AUTS2: variants seen among roughly 807,000 people sequenced by gnomAD.
AUTS2 encodes the protein autism susceptibility gene 2 protein.
A neutral mutation model predicts 112.4 loss-of-function variants in AUTS2; 17 were observed. The ratio of observed to expected loss-of-function variants is 0.15; its 90% CI spans 0.10 to 0.23. AUTS2 has a LOEUF of 0.23. Ranked by LOEUF, AUTS2 falls within the 10% of genes least tolerant of loss-of-function variation. The pLI, the probability that AUTS2 is intolerant of heterozygous loss-of-function variation, is 1.00. For synonymous variants in AUTS2, 751 were observed against 702.7 expected (o/e 1.07, Z -1.09); for missense variants, 1,510 against 1,701.6 (o/e 0.89, Z 1.98).
At chr7:70,581,618 A>T (rs550113825) in intron 5 of AUTS2, among the ~76,000 whole-genome samples, 1 of 152,264 alleles carries the variant, frequency 6.6e-6, no homozygotes, top group South Asian at 2.1e-4. Flanking sequence ...TTGGAAATGT[A>T]TGCTGTTTGT....
chr7:70,497,346 CACAG>C (rs1320410427), intron 5 of AUTS2, among the ~76,000 whole-genome samples: 1 of 152,098 alleles, frequency 6.6e-6, no homozygotes, highest in Non-Finnish European at 1.5e-5. Context: ...TACACAGTCG[CACAG>C]ACACACAATC....
chr7:70,179,325 T>A (rs1809174951), intron 4 of AUTS2, among the ~76,000 whole-genome samples: 1 of 152,214 alleles, frequency 6.6e-6, no homozygotes. Flanking sequence ...CCCTGAAGCA[T>A]GAGTTTTGGT....
intron 1 of AUTS2, among the ~76,000 whole-genome samples, chr7:69,650,815 C>A (rs1379197643): frequency 6.6e-6 from 1 of 152,046 alleles, no homozygotes; most frequent in Non-Finnish European, 1.5e-5. Context: ...TTGCCTTTGT[C>A]CCTTGGGTCT....
intron 2 of AUTS2, among the ~76,000 whole-genome samples, chr7:69,928,221 TG>T (rs1796097259): frequency 6.6e-6 from 1 of 152,152 alleles, no homozygotes; most frequent in African/African-American, 2.4e-5. Flanking sequence ...GTGTGCTGAT[TG>T]GTCCATGGGC....
chr7:70,627,504 C>A (rs894948102), intron 5 of AUTS2, among the ~76,000 whole-genome samples: 4 of 152,192 alleles, frequency 2.6e-5, no homozygotes, highest in Admixed American at 6.5e-5. Context: ...TTTTAATGTG[C>A]AAACATAGTT....
At chr7:70,411,527 G>A (rs1475252399) in intron 4 of AUTS2, among the ~76,000 whole-genome samples, 1 of 151,994 alleles carries the variant, frequency 6.6e-6, no homozygotes, top group Non-Finnish European at 1.5e-5. Flanking sequence ...ACTTTATCAA[G>A]TACTGTGATA....
rs193075842 is a variant in AUTS2, at chr7:70,471,166, T to C, written c.690+35385T>C. 1.3e-3 allele frequency among the ~76,000 whole-genome samples: 193 copies of C among 152,288 alleles called. 2 individuals are homozygous for C. In the Middle Eastern group the frequency reaches 0.02, roughly 16 times the overall value. On this transcript the variant is annotated intron_variant, in intron 5 of 18. Transcript: ENST00000342771. ...TTGAAGAAAGAGGTTCCAATTCAAA[T>C]GGTATTTGAGTAAGTCCCTTGTCGG...
chr7:70,452,966 G>A (rs1459874565), intron 5 of AUTS2, among the ~76,000 whole-genome samples: 2 of 152,092 alleles, frequency 1.3e-5, no homozygotes, highest in African/African-American at 2.4e-5. Context: ...GAGATTTTAA[G>A]TATCTTCTCC....
At chr7:70,537,829 C>T (rs756484905) in intron 5 of AUTS2, among the ~76,000 whole-genome samples, 26 of 152,206 alleles carry the variant, frequency 1.7e-4, no homozygotes, top group Admixed American at 4.6e-4. Context: ...GTAAGAAGGA[C>T]GTAAAAATTT....
intron 6 of AUTS2, among the ~76,000 whole-genome samples, chr7:70,726,378 C>CT (rs1787035595): frequency 6.6e-6 from 1 of 151,982 alleles, no homozygotes; most frequent in Non-Finnish European, 1.5e-5. Flanking sequence ...CTCATTTCCA[C>CT]CACATATTTG....
chr7:70,255,607 C>A (rs1008774689), intron 4 of AUTS2, among the ~76,000 whole-genome samples: 17 of 152,264 alleles, frequency 1.1e-4, no homozygotes, highest in African/African-American at 4.1e-4. Flanking sequence ...AAGAACTTTT[C>A]TTTCCAGAGA....
At chr7:70,470,564 C>T (rs753564154) in intron 5 of AUTS2, among the ~76,000 whole-genome samples, 10 of 152,258 alleles carry the variant, frequency 6.6e-5, no homozygotes, top group Admixed American at 1.3e-4. Flanking sequence ...ACTGGGCCCA[C>T]GCAGCATCTG....
At chr7:69,697,041 G>A (rs775349730) in intron 1 of AUTS2, among the ~76,000 whole-genome samples, 1 of 152,170 alleles carries the variant, frequency 6.6e-6, no homozygotes, top group Non-Finnish European at 1.5e-5. Context: ...AGAAACTGTT[G>A]GACAATGATT....
At chr7:70,025,144 A>G (rs561330800) in intron 2 of AUTS2, among the ~76,000 whole-genome samples, 3 of 152,300 alleles carry the variant, frequency 2.0e-5, no homozygotes, top group South Asian at 4.1e-4. Flanking sequence ...GTAATTGGAT[A>G]CCTATTATGT....
intron 4 of AUTS2, among the ~76,000 whole-genome samples, chr7:70,224,259 G>C (rs567326424): frequency 3.0e-4 from 45 of 152,138 alleles, no homozygotes; most frequent in African/African-American, 9.9e-4. Context: ...AGGCTGCAGT[G>C]AACTGAGATA....
intron 1 of AUTS2, among the ~76,000 whole-genome samples, chr7:69,854,278 C>G (rs1024848396): frequency 2.0e-5 from 3 of 152,108 alleles, no homozygotes; most frequent in Admixed American, 6.6e-5. Flanking sequence ...TTAGAGAAGT[C>G]AAGTGATTTG....
chr7:70,229,975 A>G (rs1354994270), intron 4 of AUTS2, among the ~76,000 whole-genome samples: 1 of 152,172 alleles, frequency 6.6e-6, no homozygotes, highest in East Asian at 1.9e-4. Context: ...CATGCTTCCC[A>G]TTAAATCTCC....
At chr7:69,795,223 A>G (rs577176729) in intron 1 of AUTS2, among the ~76,000 whole-genome samples, 8 of 152,330 alleles carry the variant, frequency 5.3e-5, no homozygotes, top group African/African-American at 1.9e-4. Context: ...AATTTGGTTC[A>G]ATACTGCCTT....
At chr7:70,170,891 C>G (rs1385040338) in intron 4 of AUTS2, among the ~76,000 whole-genome samples, 2 of 152,196 alleles carry the variant, frequency 1.3e-5, no homozygotes, top group East Asian at 3.9e-4. Context: ...CAGGTGTGAG[C>G]CACCGCCCCC....
Sources: gnomAD v4.1 joint callset for allele counts (sites outside exome capture counted in the v4.1 genomes callset) on GRCh38, gnomAD v4.1.1 for gene constraint, MANE v1.5 for transcripts, NCBI Gene and HGNC (gene_info 2026-07-23, HGNC 2026-07-21) for gene names.